The following SLC6A11 variants were observed in gnomAD, a reference collection of about 807,000 sequenced individuals.
SLC6A11 encodes solute carrier family 6 member 11, also known as sodium- and chloride-dependent GABA transporter 3.
A neutral mutation model predicts 74.8 loss-of-function variants in SLC6A11; 25 were observed. That is an observed-to-expected ratio of 0.33 (90% CI 0.24 to 0.47). The LOEUF is 0.47. Ranked by LOEUF, SLC6A11 falls within the 20% of genes least tolerant of loss-of-function variation. The pLI is 1.00. For missense variants in SLC6A11, 574 were observed against 837.0 expected, an observed-to-expected ratio of 0.69 and a Z score of 3.88; for synonymous variants, 330 against 330.2, an observed-to-expected ratio of 1.00 and a Z score of 0.01.
chr3:10,925,413 C>T (rs1695590142), intron 8 of SLC6A11, among the ~76,000 whole-genome samples: 1 of 152,216 alleles, frequency 6.6e-6, no homozygotes, highest in South Asian at 2.1e-4. Context: ...CACTGTGCCA[C>T]AGGGCTAGCC....
At position 10,918,920 on chromosome 3, in the gene SLC6A11, C is replaced by T. The variant is rs952775923; in HGVS notation, c.1120+467C>T. Among the ~76,000 whole-genome samples the T allele has an allele frequency of 2.6e-5, 4 of 151,976 alleles. No homozygotes were observed. The highest frequency in any genetic ancestry group is 7.3e-5 in the African/African-American group (3 of 41,356). On this transcript the variant is annotated intron_variant, in intron 8 of 13. Coordinates refer to ENST00000254488, the MANE Select transcript of SLC6A11 (RefSeq NM_014229.3). This position sits in a 1 kb window ranked among gnomAD's most constrained non-coding sequence, Gnocchi z 4.5. ...CTCATAGTGCTGGACTCAGCGTGGC[C>T]ACAAAGCCCTGTGTTGCCCGGCTCC...
rs1353950449 is a variant in SLC6A11, at chr3:10,816,883, G to A, written c.256+362G>A. Among the ~76,000 whole-genome samples the A allele has an allele frequency of 6.6e-6, 1 of 152,222 alleles. No individual in the cohort carries two copies. The highest frequency in any genetic ancestry group is 1.5e-5 in the Non-Finnish European group (1 of 68,038). On this transcript the variant is annotated intron_variant, in intron 1 of 13. Coordinates refer to ENST00000254488, the MANE Select transcript of SLC6A11 (RefSeq NM_014229.3). This position sits in a 1 kb window ranked among gnomAD's most constrained non-coding sequence, Gnocchi z 4.2. Reference sequence around the variant, plus strand: ...GCTTTCCTAACTGGGAAAACGGCCTGTGGGGAAGGGACTCCTGATGATCAA... The same window carrying A: ...GCTTTCCTAACTGGGAAAACGGCCTATGGGGAAGGGACTCCTGATGATCAA...
intron 10 of SLC6A11, among the ~76,000 whole-genome samples, chr3:10,930,250 T>C (rs1329520837): frequency 1.3e-5 from 2 of 152,114 alleles, no homozygotes; most frequent in Non-Finnish European, 2.9e-5. Flanking sequence ...TGCCCCCAGC[T>C]CCTAGCACTT....
At chr3:10,821,707 A>G (rs1451398538) in intron 3 of SLC6A11, among the ~76,000 whole-genome samples, 1 of 152,206 alleles carries the variant, frequency 6.6e-6, no homozygotes, top group Non-Finnish European at 1.5e-5. Context: ...TTATAATTGT[A>G]TGAATACTGT....
At chr3:10,825,180 C>CACAAAAA in intron 4 of SLC6A11, 1 of 120,852 alleles carries the variant, frequency 8.3e-6, no homozygotes, top group Non-Finnish European at 1.8e-5. Context: ...GAGACTGTCT[C>CACAAAAA]AAAAAAAAAA....
chr3:10,854,775 T>G (rs1162698953), intron 5 of SLC6A11, among the ~76,000 whole-genome samples: 1 of 152,232 alleles, frequency 6.6e-6, no homozygotes, highest in Non-Finnish European at 1.5e-5. Context: ...TCTGTTTCAG[T>G]CCAGTCTTCC....
At chr3:10,927,218 C>G (rs529214839) in intron 9 of SLC6A11, among the ~76,000 whole-genome samples, 4 of 152,118 alleles carry the variant, frequency 2.6e-5, no homozygotes, top group Non-Finnish European at 5.9e-5. Flanking sequence ...GTTGCTGTTG[C>G]GGGCAGAGGT....
intron 5 of SLC6A11, among the ~76,000 whole-genome samples, chr3:10,869,236 G>A (rs111243669): frequency 1.6e-4 from 24 of 152,300 alleles, no homozygotes; most frequent in African/African-American, 5.5e-4. Context: ...GGGAGGATGC[G>A]GGAATGACAG....
At chr3:10,837,152 T>C (rs2106581019) in intron 4 of SLC6A11, among the ~76,000 whole-genome samples, 1 of 152,182 alleles carries the variant, frequency 6.6e-6, no homozygotes, top group Non-Finnish European at 1.5e-5. Flanking sequence ...AGCTGGTGCT[T>C]GAAGGATGGT....
chr3:10,832,673 T>TCC (rs1351772144), intron 4 of SLC6A11, among the ~76,000 whole-genome samples: 1 of 152,192 alleles, frequency 6.6e-6, no homozygotes, highest in Non-Finnish European at 1.5e-5. Flanking sequence ...TGCTAGTATT[T>TCC]CCCCGTACTC....
chr3:10,923,829 G>A (rs1210384402), intron 8 of SLC6A11, among the ~76,000 whole-genome samples: 15 of 150,080 alleles, frequency 1.0e-4, no homozygotes, highest in Non-Finnish European at 1.6e-4. Flanking sequence ...AAGTGATCAA[G>A]GTAAACATCA....
rs1423498251 is a variant in SLC6A11 at position 10,819,829 on chromosome 3, C to T, written c.509C>T (p.Thr170Ile). Reference protein sequence around the residue: ...NCFTTELPWATCGHEWNTENC... With the variant: ...NCFTTELPWAICGHEWNTENC... ...TTCACTACTGAGCTACCCTGGGCTA[C>T]CTGTGGGCATGAGTGGAACACAGGT... Residue 170 changes from threonine to isoleucine, a missense_variant, in exon 3 of 14, where the codon ACC becomes ATC. Transcript: ENST00000254488. 1.2e-6 allele frequency: 2 copies of T among 1,614,046 alleles called. No homozygotes were observed. The highest frequency in any genetic ancestry group is 1.7e-6 in the Non-Finnish European group (2 of 1,180,000).
intron 9 of SLC6A11, 30 bp from the exon 10 acceptor site, chr3:10,929,172 A>T (rs1695649639): frequency 6.2e-7 from 1 of 1,610,728 alleles, no homozygotes; most frequent in Non-Finnish European, 8.5e-7. Context: ...CTTGTCCTTG[A>T]GTTTCACACC....
intron 4 of SLC6A11, among the ~76,000 whole-genome samples, chr3:10,842,196 C>G (rs2923849): frequency 3.3e-5 from 5 of 152,196 alleles, no homozygotes; most frequent in Non-Finnish European, 7.4e-5. Flanking sequence ...ATGACTTCCT[C>G]CCTCAAACCC....
chr3:10,874,723 T>A (rs113668137), intron 5 of SLC6A11, among the ~76,000 whole-genome samples: 66 of 152,278 alleles, frequency 4.3e-4, no homozygotes, highest in African/African-American at 1.5e-3. Flanking sequence ...TTTGATTCTA[T>A]GAATTTGACT....
At chr3:10,920,064 G>A (rs946804061) in intron 8 of SLC6A11, among the ~76,000 whole-genome samples, 3 of 152,182 alleles carry the variant, frequency 2.0e-5, no homozygotes, top group Non-Finnish European at 2.9e-5. Flanking sequence ...TAGTAGCATT[G>A]CTTCTGTGAG....
At chr3:10,921,682 G>C (rs895763583) in intron 8 of SLC6A11, among the ~76,000 whole-genome samples, 12 of 151,878 alleles carry the variant, frequency 7.9e-5, no homozygotes, top group Non-Finnish European at 1.2e-4. Context: ...TAATTAAAAG[G>C]CAGAGATTAT....
At chr3:10,859,469 C>T (rs1318499157) in intron 5 of SLC6A11, among the ~76,000 whole-genome samples, 1 of 152,120 alleles carries the variant, frequency 6.6e-6, no homozygotes, top group African/African-American at 2.4e-5. Flanking sequence ...GTCTGTGACT[C>T]TGCAATGTCT....
chr3:10,841,884 C>T (rs1694442563), intron 4 of SLC6A11, among the ~76,000 whole-genome samples: 2 of 152,228 alleles, frequency 1.3e-5, no homozygotes, highest in Admixed American at 6.5e-5. Flanking sequence ...CAGTAGGGAC[C>T]TCGTGTGTTC....
Sources: gnomAD v4.1 joint callset for allele counts (sites outside exome capture counted in the v4.1 genomes callset) on GRCh38, gnomAD v4.1.1 for gene constraint, Gnocchi (gnomAD v3.1) non-coding constraint, MANE v1.5 for transcripts, NCBI Gene and HGNC (gene_info 2026-07-23, HGNC 2026-07-21) for gene names.